The following ST6GALNAC3 variants were observed in gnomAD, a reference collection of about 807,000 sequenced individuals.
ST6GALNAC3 encodes the protein ST6 N-acetylgalactosaminide alpha-2,6-sialyltransferase 3, also known as alpha-N-acetylgalactosaminide alpha-2,6-sialyltransferase 3.
In ST6GALNAC3, 25 loss-of-function variants were observed where a neutral mutation model predicts 32.7. The observed-to-expected ratio is 0.76, with a 90% confidence interval of 0.56 to 1.07. The LOEUF (loss-of-function observed/expected upper bound fraction) is 1.07. Ranked by LOEUF, ST6GALNAC3 falls within the 50% of genes least tolerant of loss-of-function variation. ST6GALNAC3 has a pLI of 0.00. For synonymous variants in ST6GALNAC3, 129 were observed against 133.1 expected, an observed-to-expected ratio of 0.97 and a Z score of 0.21; for missense variants, 355 against 382.4, an observed-to-expected ratio of 0.93 and a Z score of 0.60.
chr1:76,159,845 C>G (rs1361253528), intron 1 of ST6GALNAC3, among the ~76,000 whole-genome samples: 1 of 152,092 alleles, frequency 6.6e-6, no homozygotes, highest in East Asian at 1.9e-4. Context: ...ATTTAATTTC[C>G]CCATCAACCC....
chr1:76,075,342 C>A (rs1476330373), intron 1 of ST6GALNAC3, among the ~76,000 whole-genome samples: 2 of 151,902 alleles, frequency 1.3e-5, no homozygotes, highest in Non-Finnish European at 2.9e-5. Flanking sequence ...TGCATTTGAT[C>A]ATGTGAAGAC....
intron 3 of ST6GALNAC3, among the ~76,000 whole-genome samples, chr1:76,608,998 T>G (rs1004213228): frequency 6.6e-6 from 1 of 152,182 alleles, no homozygotes; most frequent in Non-Finnish European, 1.5e-5. Flanking sequence ...ATTATTTTGG[T>G]CCATTGTACT....
At chr1:76,537,785 C>T (rs1328992730) in intron 3 of ST6GALNAC3, among the ~76,000 whole-genome samples, 2 of 152,206 alleles carry the variant, frequency 1.3e-5, no homozygotes, top group Middle Eastern at 3.4e-3. Flanking sequence ...GGCTAAATTC[C>T]TAGACACATA....
chr1:76,548,991 T>C (rs1287062841), intron 3 of ST6GALNAC3, among the ~76,000 whole-genome samples: 3 of 152,158 alleles, frequency 2.0e-5, no homozygotes, highest in South Asian at 2.1e-4. Flanking sequence ...GGCTGCTAGA[T>C]GAAAAGAGAA....
At chr1:76,173,438 GA>G (rs1392448487) in intron 1 of ST6GALNAC3, among the ~76,000 whole-genome samples, 1 of 152,164 alleles carries the variant, frequency 6.6e-6, no homozygotes, top group African/African-American at 2.4e-5. Context: ...AAGACTTCAT[GA>G]CTAAAATGCC....
intron 3 of ST6GALNAC3, among the ~76,000 whole-genome samples, chr1:76,562,319 G>A (rs1665288995): frequency 6.6e-6 from 1 of 152,200 alleles, no homozygotes; most frequent in African/African-American, 2.4e-5. Context: ...GTGGAGGACA[G>A]GATGTAAGAA....
At chr1:76,400,872 G>A (rs1262326002) in intron 2 of ST6GALNAC3, among the ~76,000 whole-genome samples, 1 of 150,336 alleles carries the variant, frequency 6.7e-6, no homozygotes, top group African/African-American at 2.4e-5. Flanking sequence ...TCCAGCCTGG[G>A]TAACAAGAGT....
intron 3 of ST6GALNAC3, among the ~76,000 whole-genome samples, chr1:76,603,605 A>G (rs1249675065): frequency 6.6e-6 from 1 of 152,142 alleles, no homozygotes; most frequent in South Asian, 2.1e-4. Context: ...AATAACAGTT[A>G]CTCCTGCCAG....
In ST6GALNAC3 at chr1:76,416,692, ATC is replaced by A. The variant is rs925717430; in HGVS notation, c.623+4279_623+4280del. On this transcript the variant is annotated intron_variant, in intron 3 of 4. Transcript: ENST00000328299. Reference sequence around the variant, plus strand: ...ACCCAGGCTGGAGTGCAGTGGCATGATCTCTGTTCACTACAACCTCCGCCTCC... The same window carrying A: ...ACCCAGGCTGGAGTGCAGTGGCATGATCTGTTCACTACAACCTCCGCCTCC... 2.6e-4 allele frequency among the ~76,000 whole-genome samples: 35 copies of A among 133,592 alleles called. No individual in the cohort carries two copies. The East Asian group carries it at 6.6e-3, about 25-fold the overall frequency. The allele number at this position is 133,592 out of a possible 152,430, so 87.6% of individuals were successfully genotyped here. A position where few individuals can be genotyped will look rare whatever the true frequency, so the allele number is the denominator to read the frequency against.
At chr1:76,371,212 A>G (rs1249634122) in intron 2 of ST6GALNAC3, among the ~76,000 whole-genome samples, 1 of 152,210 alleles carries the variant, frequency 6.6e-6, no homozygotes, top group African/African-American at 2.4e-5. Flanking sequence ...TCTAAGATGA[A>G]GCAGATATGG....
chr1:76,570,456 T>A (rs1665794367), intron 3 of ST6GALNAC3, among the ~76,000 whole-genome samples: 1 of 152,000 alleles, frequency 6.6e-6, no homozygotes, highest in African/African-American at 2.4e-5. Context: ...CTTTTCTTTT[T>A]AAAAATTTTT....
At chr1:76,332,944 C>A (rs577982197) in intron 2 of ST6GALNAC3, among the ~76,000 whole-genome samples, 1 of 151,978 alleles carries the variant, frequency 6.6e-6, no homozygotes, top group Non-Finnish European at 1.5e-5. Context: ...ATACCTGATT[C>A]AACCAGAACA....
chr1:76,434,433 TTTTA>T (rs1655987837), intron 3 of ST6GALNAC3, among the ~76,000 whole-genome samples: 3 of 152,208 alleles, frequency 2.0e-5, no homozygotes, highest in Admixed American at 2.0e-4. Context: ...CAAATCAGCA[TTTTA>T]TTTATTTGTG....
chr1:76,373,851 C>T (rs12144344), intron 2 of ST6GALNAC3, among the ~76,000 whole-genome samples: 48,356 of 152,000 alleles, frequency 0.32, 8,846 homozygotes, highest in Middle Eastern at 0.43. Flanking sequence ...GTAAGTATTT[C>T]CATTCTCTCA....
intron 1 of ST6GALNAC3, among the ~76,000 whole-genome samples, chr1:76,292,806 A>G (rs993147496): frequency 1.3e-5 from 2 of 152,148 alleles, no homozygotes; most frequent in Non-Finnish European, 2.9e-5. Context: ...TCAGTTATGC[A>G]CAGGACACAC....
At chr1:76,139,680 G>A (rs1483860590) in intron 1 of ST6GALNAC3, among the ~76,000 whole-genome samples, 1 of 152,176 alleles carries the variant, frequency 6.6e-6, no homozygotes, top group Admixed American at 6.5e-5. Context: ...CTAGTGCCAG[G>A]TTTCTGGGCT....
chr1:76,274,762 G>A (rs1224692980), intron 1 of ST6GALNAC3, among the ~76,000 whole-genome samples: 1 of 152,120 alleles, frequency 6.6e-6, no homozygotes, highest in East Asian at 1.9e-4. Flanking sequence ...CTTTTCCAGG[G>A]TACTCTCTTA....
chr1:76,469,947 T>C (rs1214540227), intron 3 of ST6GALNAC3, among the ~76,000 whole-genome samples: 1 of 152,072 alleles, frequency 6.6e-6, no homozygotes, highest in Non-Finnish European at 1.5e-5. Flanking sequence ...ACTTTTTACT[T>C]GCAGTGAAAC....
At chr1:76,347,643 A>G (rs897648687) in intron 2 of ST6GALNAC3, among the ~76,000 whole-genome samples, 1 of 152,046 alleles carries the variant, frequency 6.6e-6, no homozygotes, top group Non-Finnish European at 1.5e-5. Flanking sequence ...GATGATATTG[A>G]CTCCTTATAA....
Sources: allele counts gnomAD v4.1 joint callset (sites outside exome capture counted in the v4.1 genomes callset), GRCh38; gene constraint gnomAD v4.1.1; transcripts MANE v1.5; gene names NCBI Gene and HGNC (gene_info 2026-07-23, HGNC 2026-07-21).